The following TSNARE1 variants were observed in gnomAD, a reference collection of about 807,000 sequenced individuals.
The protein encoded by TSNARE1 is t-SNARE domain containing 1.
Under a neutral mutation model 62.0 loss-of-function variants are expected in TSNARE1, and 49 were observed. The observed-to-expected ratio is 0.79, with a 90% CI of 0.63 to 1.00. The LOEUF (loss-of-function observed/expected upper bound fraction) is 1.00, where lower values mean the gene tolerates loss of function less well. TSNARE1 is among the 50% of genes least tolerant of loss of function. TSNARE1 has a pLI of 0.00. For missense variants in TSNARE1, 755 were observed against 700.1 expected, an observed-to-expected ratio of 1.08 and a Z score of -0.88; for synonymous variants, 328 against 294.4, an observed-to-expected ratio of 1.11 and a Z score of -1.17.
chr8:142,351,239 A>G (rs752034301), intron 2 of TSNARE1, among the ~76,000 whole-genome samples: 2 of 152,256 alleles, frequency 1.3e-5, no homozygotes, highest in Non-Finnish European at 2.9e-5. Context: ...AAGTTTCCAC[A>G]TTTAGAAAAT....
intron 1 of TSNARE1, among the ~76,000 whole-genome samples, chr8:142,355,013 C>T (rs1380500519): frequency 6.6e-6 from 1 of 152,028 alleles, no homozygotes; most frequent in Non-Finnish European, 1.5e-5. Context: ...GGAAGGTGTG[C>T]CCCCTCCCCT....
chr8:142,353,992 A>G (rs530358554), intron 2 of TSNARE1, among the ~76,000 whole-genome samples: 1 of 152,264 alleles, frequency 6.6e-6, no homozygotes, highest in South Asian at 2.1e-4. Flanking sequence ...CCTGACCCAG[A>G]CATCACCTAC....
At chr8:142,290,608 T>C (rs1363260120) in intron 10 of TSNARE1, among the ~76,000 whole-genome samples, 1 of 152,194 alleles carries the variant, frequency 6.6e-6, no homozygotes, top group South Asian at 2.1e-4. Flanking sequence ...TTGGCAACCA[T>C]CCACCTACAA....
intron 12 of TSNARE1, among the ~76,000 whole-genome samples, chr8:142,256,392 T>TCATCACCATC (rs1563782902): frequency 1.1e-3 from 4 of 3,746 alleles, no homozygotes; most frequent in Admixed American, 3.2e-3. Flanking sequence ...TCATCACCAA[T>TCATCACCATC]ACCACCAGCA....
At chr8:142,304,237 C>T (rs1471662355) in intron 9 of TSNARE1, among the ~76,000 whole-genome samples, 1 of 152,236 alleles carries the variant, frequency 6.6e-6, no homozygotes, top group African/African-American at 2.4e-5. Context: ...GCGGTGGGAG[C>T]CCAGGGAGGC....
At chr8:142,249,977 G>A (rs1017632259) in intron 12 of TSNARE1, among the ~76,000 whole-genome samples, 1 of 152,214 alleles carries the variant, frequency 6.6e-6, no homozygotes, top group African/African-American at 2.4e-5. Flanking sequence ...TCTGAGCTTG[G>A]GGAGTGGGGG....
At chr8:142,383,203 C>A (rs1836890737) in intron 1 of TSNARE1, among the ~76,000 whole-genome samples, 1 of 152,166 alleles carries the variant, frequency 6.6e-6, no homozygotes, top group African/African-American at 2.4e-5. Flanking sequence ...ACAGGAGAAC[C>A]AGGGGTCAGT....
At chr8:142,389,907 A>G (rs966194370) in intron 1 of TSNARE1, among the ~76,000 whole-genome samples, 1 of 152,234 alleles carries the variant, frequency 6.6e-6, no homozygotes, top group Non-Finnish European at 1.5e-5. Flanking sequence ...ATCACAGAGT[A>G]TATCTTCACA....
intron 12 of TSNARE1, among the ~76,000 whole-genome samples, chr8:142,265,694 A>G (rs1282466474): frequency 6.6e-6 from 1 of 152,222 alleles, no homozygotes; most frequent in African/African-American, 2.4e-5. Flanking sequence ...AGTGGCTGTA[A>G]CATTTGACAT....
At chr8:142,274,723 G>A in intron 12 of TSNARE1, 58 bp downstream of exon 12, 1 of 1,431,806 alleles carries the variant, frequency 7.0e-7, no homozygotes. Flanking sequence ...AGGGAGGGTT[G>A]GAGGATAGGG....
chr8:142,278,001 G>C, intron 11 of TSNARE1: 1 of 985,400 alleles, frequency 1.0e-6, no homozygotes, highest in South Asian at 4.7e-5. Context: ...GCAAGAATCT[G>C]CCCTTCAGGA....
intron 10 of TSNARE1, among the ~76,000 whole-genome samples, chr8:142,295,026 G>C (rs577822384): frequency 8.8e-4 from 134 of 152,308 alleles, no homozygotes; most frequent in African/African-American, 3.0e-3. Flanking sequence ...AGCACCAGGG[G>C]CTACCCAAGG....
chr8:142,308,892 T>C (rs1192534208), intron 9 of TSNARE1, among the ~76,000 whole-genome samples: 1 of 152,132 alleles, frequency 6.6e-6, no homozygotes, highest in Non-Finnish European at 1.5e-5. Context: ...ATCCCCTCCA[T>C]GGTTTAGATC....
intron 12 of TSNARE1, among the ~76,000 whole-genome samples, chr8:142,238,757 A>G (rs62512624): frequency 2.3e-3 from 191 of 82,880 alleles, no homozygotes; most frequent in East Asian, 4.2e-3. Flanking sequence ...CTGCACGCCC[A>G]CCCCTGCACG....
intron 13 of TSNARE1, among the ~76,000 whole-genome samples, chr8:142,219,005 G>A (rs1816079899): frequency 6.6e-6 from 1 of 152,178 alleles, no homozygotes; most frequent in Non-Finnish European, 1.5e-5. Flanking sequence ...AACGAGCTTT[G>A]CAGCCTTCAC....
At chr8:142,356,083 C>T (rs1233520334) in intron 1 of TSNARE1, among the ~76,000 whole-genome samples, 2 of 152,234 alleles carry the variant, frequency 1.3e-5, no homozygotes, top group Non-Finnish European at 2.9e-5. Flanking sequence ...ACACAGATAA[C>T]ATCTTTATTA....
At chr8:142,275,724 T>A in intron 11 of TSNARE1, 1 of 985,078 alleles carries the variant, frequency 1.0e-6, no homozygotes, top group Non-Finnish European at 1.2e-6. Context: ...GAGGCAGGAG[T>A]ATCTAAACAA....
intron 1 of TSNARE1, among the ~76,000 whole-genome samples, chr8:142,386,678 A>C (rs1337862805): frequency 2.0e-5 from 3 of 152,248 alleles, no homozygotes; most frequent in Non-Finnish European, 4.4e-5. Flanking sequence ...ATACAAACTC[A>C]AGAAAGCACT....
intron 12 of TSNARE1, chr8:142,274,477 G>C (rs1031781774): frequency 3.0e-6 from 3 of 985,358 alleles, no homozygotes; most frequent in Non-Finnish European, 3.6e-6. Context: ...GAGGTGGAGC[G>C]GGAAGGCCCC....
Sources: allele counts gnomAD v4.1 joint callset (sites outside exome capture counted in the v4.1 genomes callset), GRCh38; gene constraint gnomAD v4.1.1; transcripts MANE v1.5; gene names NCBI Gene and HGNC (gene_info 2026-07-23, HGNC 2026-07-21).